The following YARS1 variants were observed in gnomAD, a reference collection of about 807,000 sequenced individuals.
YARS1 encodes tyrosyl-tRNA synthetase 1.
YARS1 carries 36 observed loss-of-function variants against 62.2 expected under a neutral mutation model. The observed-to-expected ratio is 0.58, with a 90% CI of 0.44 to 0.76. The LOEUF (loss-of-function observed/expected upper bound fraction) is 0.76. Among genes scored for constraint, YARS1 ranks in the 30% least tolerant of loss-of-function variants. The pLI is 0.00. For missense variants in YARS1, 524 were observed against 639.8 expected (o/e 0.82, Z 1.95); for synonymous variants, 234 against 244.9 (o/e 0.96, Z 0.42).
rs546914121 is a variant in YARS1, at chr1:32,801,630, G to C, written c.511-3787C>G. Among the ~76,000 whole-genome samples the C allele has an allele frequency of 7.9e-5, 12 of 152,222 alleles. No individual in the cohort carries two copies. The South Asian group carries it at 2.5e-3, about 32-fold the overall frequency. On this transcript the variant is annotated intron_variant, in intron 4 of 12. Coordinates refer to ENST00000373477, the MANE Select transcript of YARS1 (RefSeq NM_003680.4). ...CACATCAATTGACTCTCCCTTTCAC[G>C]AAAGATTTATCTGGTGCAGGTGATG...
intron 4 of YARS1, chr1:32,798,067 T>C (rs1483846366): frequency 4.2e-6 from 2 of 477,602 alleles, no homozygotes; most frequent in Admixed American, 3.3e-5. Context: ...AGACAACGTT[T>C]TGCCATGTTG....
chr1:32,791,326 A>C, intron 5 of YARS1, 72 bp from the exon 6 acceptor site: 4 of 1,235,938 alleles, frequency 3.2e-6, no homozygotes, highest in South Asian at 2.4e-5. Context: ...ATCTCATCTG[A>C]CTTGGCCAGC....
intron 5 of YARS1, among the ~76,000 whole-genome samples, chr1:32,794,089 C>A (rs926933288): frequency 3.3e-5 from 5 of 152,218 alleles, no homozygotes; most frequent in Non-Finnish European, 7.3e-5. Context: ...GTGGCTTACG[C>A]CTGTAATCCC....
intron 3 of YARS1, among the ~76,000 whole-genome samples, chr1:32,808,802 C>T (rs1031336272): frequency 1.1e-4 from 17 of 152,206 alleles, no homozygotes; most frequent in Admixed American, 1.0e-3. Flanking sequence ...TGAAAACTTT[C>T]GCTACCCTGG....
chr1:32,788,811 C>T (rs898756040), intron 6 of YARS1, among the ~76,000 whole-genome samples: 2 of 152,164 alleles, frequency 1.3e-5, no homozygotes, highest in African/African-American at 4.8e-5. Context: ...TAGCAATCCT[C>T]CTGCCTCAGC....
intron 4 of YARS1, among the ~76,000 whole-genome samples, chr1:32,805,858 G>A (rs1339896115): frequency 6.6e-6 from 1 of 152,124 alleles, no homozygotes; most frequent in Non-Finnish European, 1.5e-5. Flanking sequence ...AGCTACTCGG[G>A]AGGCTGAGGC....
At chr1:32,805,219 AAAGGGGAGAGGGGGAGAGGGGGAG>A (rs1310296630) in intron 4 of YARS1, among the ~76,000 whole-genome samples, 1 of 57,528 alleles carries the variant, frequency 1.7e-5, no homozygotes, top group Non-Finnish European at 3.3e-5. Flanking sequence ...GAGACGGTGG[AAAGGGGAGAGGGGGAGAGGGGGAG>A]AGGGGGAGAG....
chr1:32,806,793 TTTAA>T (rs1638475957), intron 3 of YARS1, among the ~76,000 whole-genome samples, 182 bp from the exon 4 acceptor site: 1 of 152,222 alleles, frequency 6.6e-6, no homozygotes, highest in South Asian at 2.1e-4. Context: ...TGCATGCTTA[TTTAA>T]TTATGTTCTT....
At chr1:32,797,320 C>G (rs1467463265) in intron 5 of YARS1, among the ~76,000 whole-genome samples, 4 of 151,786 alleles carry the variant, frequency 2.6e-5, no homozygotes, top group Non-Finnish European at 5.9e-5. Flanking sequence ...TGTGATGAGC[C>G]ATGACCGCAT....
intron 10 of YARS1, 149 bp from the exon 11 acceptor site, chr1:32,780,427 C>A (rs1025774447): frequency 1.2e-6 from 1 of 856,032 alleles, no homozygotes; most frequent in Non-Finnish European, 1.9e-6. Flanking sequence ...ACGTCCCAGA[C>A]AGCAGACAGG....
At chr1:32,817,028 A>G in intron 1 of YARS1, 160 bp downstream of exon 1, 2 of 903,918 alleles carry the variant, frequency 2.2e-6, no homozygotes, top group Non-Finnish European at 3.5e-6. Context: ...GGGCTGCTTG[A>G]TTGACTGACC....
In YARS1 at chr1:32,777,927, ATT is replaced by A. The variant is rs564916503; in HGVS notation, c.1476+1453_1476+1454del. ...AATATCTCTATGTGGCAGGACTAGG[ATT>A]TTTTTTTCTCCTATATTTTAGATGT... On this transcript the variant is annotated intron_variant, in intron 12 of 12. Coordinates refer to ENST00000373477, the MANE Select transcript of YARS1 (RefSeq NM_003680.4). 1.8e-4 allele frequency among the ~76,000 whole-genome samples: 28 copies of A among 151,966 alleles called. No individual in the cohort carries two copies. In the East Asian group the frequency reaches 5.2e-3, roughly 28 times the overall value.
At chr1:32,780,005 T>C (rs1652998487) in intron 11 of YARS1, 80 bp downstream of exon 11, 2 of 1,553,460 alleles carry the variant, frequency 1.3e-6, no homozygotes, top group Middle Eastern at 2.1e-4. Context: ...ACCTGGTGTG[T>C]GGAAGGACAT....
At chr1:32,780,484 T>G (rs1653016923) in intron 10 of YARS1, 3 of 608,762 alleles carry the variant, frequency 4.9e-6, no homozygotes, top group Non-Finnish European at 5.8e-6. Flanking sequence ...AGGCCAGATT[T>G]GAGTAAAGTG....
rs773105356 is a variant in YARS1 at position 32,779,415 on chromosome 1, G to C, written c.1443C>G (p.Leu481=). The change falls in exon 12 of 13, where the codon CTC becomes CTG. Residue 481 remains leucine, a synonymous_variant. Transcript: ENST00000373477. ...GYEKGQPDEE[L]KPKKKVFEKL... ...TCTCGAAGACTTTCTTCTTGGGCTT[G>C]AGCTCCTCATCTGGTTGGCCCTTTT... The C allele has an allele frequency of 5.0e-6, 8 of 1,614,100 alleles. No homozygotes were observed. The highest frequency in any genetic ancestry group is 2.2e-5 in the East Asian group (1 of 44,898).
At chr1:32,811,815 T>C (rs1208541291) in intron 1 of YARS1, among the ~76,000 whole-genome samples, 2 of 151,720 alleles carry the variant, frequency 1.3e-5, no homozygotes, top group Admixed American at 6.6e-5. Context: ...ACCCTTGATG[T>C]TGGGGAGTGG....
At chr1:32,786,035 A>G (rs1194364688) in intron 8 of YARS1, among the ~76,000 whole-genome samples, 3 of 152,124 alleles carry the variant, frequency 2.0e-5, no homozygotes, top group East Asian at 3.8e-4. Context: ...ACTCGTGTGT[A>G]TAAGATTACA....
intron 5 of YARS1, among the ~76,000 whole-genome samples, chr1:32,791,600 A>C (rs1653414346): frequency 6.6e-6 from 1 of 152,060 alleles, no homozygotes; most frequent in African/African-American, 2.4e-5. Flanking sequence ...TTAGGAGTTC[A>C]AGATGAGCCT....
intron 7 of YARS1, 49 bp from the exon 8 acceptor site, chr1:32,786,496 G>A (rs749204504): frequency 7.0e-7 from 1 of 1,427,794 alleles, no homozygotes; most frequent in Non-Finnish European, 9.8e-7. Context: ...AGCATTCCTA[G>A]CTCACATGCA....
Sources: gnomAD v4.1 joint callset for allele counts (sites outside exome capture counted in the v4.1 genomes callset) on GRCh38, gnomAD v4.1.1 for gene constraint, MANE v1.5 for transcripts, NCBI Gene and HGNC (gene_info 2026-07-23, HGNC 2026-07-21) for gene names.